Variants in NPLOC4 observed in about 807,000 individuals in gnomAD.
NPLOC4 encodes NPL4 homolog, ubiquitin recognition factor, also known as nuclear protein localization protein 4 homolog.
NPLOC4 carries 18 observed loss-of-function variants against 80.6 expected under a neutral mutation model. The ratio of observed to expected loss-of-function variants is 0.22; its 90% CI spans 0.15 to 0.33. The LOEUF is 0.33. NPLOC4 is among the 10% of genes least tolerant of loss of function. The pLI, the probability that NPLOC4 is intolerant of heterozygous loss-of-function variation, is 1.00. For synonymous variants in NPLOC4, 313 were observed against 301.5 expected (o/e 1.04, Z -0.39); for missense variants, 540 against 786.1 (o/e 0.69, Z 3.74).
intron 4 of NPLOC4, among the ~76,000 whole-genome samples, chr17:81,611,907 C>A (rs935889264): frequency 1.4e-5 from 2 of 145,712 alleles, no homozygotes; most frequent in African/African-American, 5.1e-5. Context: ...TGGCAGTGAG[C>A]GGACGTCGCG....
At chr17:81,568,793 G>A (rs540214173) in intron 14 of NPLOC4, among the ~76,000 whole-genome samples, 1 of 152,356 alleles carries the variant, frequency 6.6e-6, no homozygotes, top group South Asian at 2.1e-4. Flanking sequence ...TGAAGATGTG[G>A]CCAGTCAGGA....
chr17:81,628,429 C>T (rs898171329), intron 2 of NPLOC4, among the ~76,000 whole-genome samples: 4 of 151,728 alleles, frequency 2.6e-5, no homozygotes, highest in African/African-American at 7.3e-5. Flanking sequence ...CAGAGGATTG[C>T]TTGAACCCAG....
intron 16 of NPLOC4, chr17:81,562,708 G>A (rs1266892930): frequency 6.6e-6 from 1 of 152,196 alleles, no homozygotes; most frequent in African/African-American, 2.4e-5. Flanking sequence ...CAGCACTGAG[G>A]CGGGAGGATC....
chr17:81,584,260 G>C (rs1468242720), intron 12 of NPLOC4, among the ~76,000 whole-genome samples: 1 of 152,096 alleles, frequency 6.6e-6, no homozygotes, highest in East Asian at 1.9e-4. Context: ...AAATCCTACA[G>C]GGCTATAAAC....
chr17:81,629,071 G>C (rs1477869945), intron 2 of NPLOC4, among the ~76,000 whole-genome samples: 1 of 151,872 alleles, frequency 6.6e-6, no homozygotes. Context: ...CTAGAGATAG[G>C]GTTTCACCAT....
chr17:81,622,794 G>A (rs8074214), intron 2 of NPLOC4, among the ~76,000 whole-genome samples: 3 of 151,974 alleles, frequency 2.0e-5, no homozygotes, highest in South Asian at 4.1e-4. Context: ...CAGGTGATCC[G>A]CCCACCTTGG....
chr17:81,606,426 T>TA lies in NPLOC4; in HGVS notation c.654+264_654+265insT, dbSNP rs1280848115. Among the ~76,000 whole-genome samples, 12 of 152,120 alleles carry TA rather than the reference T, an allele frequency of 7.9e-5. No homozygotes were observed. In the East Asian group the frequency reaches 2.3e-3, roughly 29 times the overall value. ...AGTTTCCTCACAACCACTGAGGATT[T>TA]TAAATAATCATCAGGAACATTCTGC... On this transcript the variant is annotated intron_variant, in intron 7 of 16. Coordinates refer to ENST00000331134, the MANE Select transcript of NPLOC4 (RefSeq NM_017921.4).
intron 12 of NPLOC4, among the ~76,000 whole-genome samples, chr17:81,579,942 T>C (rs535870299): frequency 6.6e-6 from 1 of 152,082 alleles, no homozygotes; most frequent in South Asian, 2.1e-4. Context: ...GCCGCTTATC[T>C]ACTACTCAGC....
rs1047534853 is a variant in NPLOC4, at chr17:81,637,053, G to A, written c.-123C>T. On this transcript the variant is annotated 5_prime_UTR_variant, in exon 1 of 17. Coordinates refer to ENST00000331134, the MANE Select transcript of NPLOC4 (RefSeq NM_017921.4). Reference sequence around the variant, plus strand: ...GCCTCCCTACGCCGCCGCCACCGCCGCTCCAGCTTCGCCCGCCCGGCTCCG... The same window carrying A: ...GCCTCCCTACGCCGCCGCCACCGCCACTCCAGCTTCGCCCGCCCGGCTCCG... 1.1e-4 allele frequency: 56 copies of A among 512,358 alleles called. No homozygotes were observed. Among genetic ancestry groups the A allele is most frequent in the Admixed American group, 1.1e-3 (22 of 20,578 alleles). The allele number at this position is 512,358 out of a possible 1,614,324, so 31.7% of individuals were successfully genotyped here.
At chr17:81,622,322 G>A in intron 2 of NPLOC4, 44 bp from the exon 3 acceptor site, 1 of 1,365,286 alleles carries the variant, frequency 7.3e-7, no homozygotes, top group African/African-American at 1.4e-5. Flanking sequence ...AAATGCTAAA[G>A]TATCACTACA....
chr17:81,616,845 AC>A (rs375720898), intron 3 of NPLOC4, among the ~76,000 whole-genome samples: 1 of 152,312 alleles, frequency 6.6e-6, no homozygotes, highest in African/African-American at 2.4e-5. Context: ...CCGAATATCA[AC>A]CTCTACATGG....
At chr17:81,560,118 G>C (rs2033803090) in intron 16 of NPLOC4, among the ~76,000 whole-genome samples, 1 of 151,448 alleles carries the variant, frequency 6.6e-6, no homozygotes, top group South Asian at 2.1e-4. Context: ...ATTTCTCTTG[G>C]ATAAAAACAA....
At chr17:81,629,659 G>T in intron 2 of NPLOC4, 66 bp downstream of exon 2, 1 of 1,157,850 alleles carries the variant, frequency 8.6e-7, no homozygotes, top group Non-Finnish European at 1.3e-6. Context: ...AAGAGAAAAG[G>T]TATCGATGGC....
At chr17:81,632,121 G>A (rs1343897582) in intron 1 of NPLOC4, among the ~76,000 whole-genome samples, 1 of 151,584 alleles carries the variant, frequency 6.6e-6, no homozygotes, top group Non-Finnish European at 1.5e-5. Flanking sequence ...GATTACAGGC[G>A]TGCACCACCA....
chr17:81,607,000 G>A (rs552836555), intron 6 of NPLOC4, among the ~76,000 whole-genome samples, 186 bp from the exon 7 acceptor site: 6 of 152,296 alleles, frequency 3.9e-5, no homozygotes, highest in African/African-American at 1.2e-4. Flanking sequence ...AGCACATTCC[G>A]AATCCCAGCT....
At chr17:81,599,176 C>G (rs533431892) in intron 9 of NPLOC4, among the ~76,000 whole-genome samples, 1 of 151,708 alleles carries the variant, frequency 6.6e-6, no homozygotes, top group Admixed American at 6.6e-5. Flanking sequence ...GTAATCCCAG[C>G]TACTTGGGAG....
intron 7 of NPLOC4, among the ~76,000 whole-genome samples, chr17:81,606,293 A>G: frequency 6.6e-6 from 1 of 152,078 alleles, no homozygotes; most frequent in African/African-American, 2.4e-5. Context: ...GAACATCCAG[A>G]AAGGCCGGAA....
At chr17:81,565,480 C>A in intron 16 of NPLOC4, 25 bp downstream of exon 16, 1 of 1,521,946 alleles carries the variant, frequency 6.6e-7, no homozygotes, top group Non-Finnish European at 8.9e-7. Flanking sequence ...CACGGGGTGC[C>A]GGGGCAGGGG....
intron 16 of NPLOC4, chr17:81,563,509 G>A (rs2033914257): frequency 1.2e-5 from 2 of 166,032 alleles, no homozygotes; most frequent in Admixed American, 1.2e-4. Context: ...ATTGAAGGCT[G>A]TAGTGAGCTA....
Sources: gnomAD v4.1 joint callset for allele counts (sites outside exome capture counted in the v4.1 genomes callset) on GRCh38, gnomAD v4.1.1 for gene constraint, MANE v1.5 for transcripts, NCBI Gene and HGNC (gene_info 2026-07-23, HGNC 2026-07-21) for gene names.